The following SGCD variants were observed in gnomAD, a reference collection of about 807,000 sequenced individuals.
SGCD encodes delta-sarcoglycan.
A neutral mutation model predicts 36.6 loss-of-function variants in SGCD; 18 were observed. The observed-to-expected ratio is 0.49, with a 90% CI of 0.34 to 0.73. The LOEUF is 0.73. Among genes scored for constraint, SGCD ranks in the 30% least tolerant of loss-of-function variants. The pLI is 0.01. For missense variants in SGCD, 387 were observed against 346.7 expected (o/e 1.12, Z -0.92); for synonymous variants, 133 against 130.6 (o/e 1.02, Z -0.12).
intron 4 of SGCD, among the ~76,000 whole-genome samples, chr5:156,557,238 A>T (rs758037713): frequency 1.8e-4 from 28 of 152,140 alleles, no homozygotes; most frequent in Admixed American, 1.2e-3. Context: ...GATGTTGAAG[A>T]CTCCATAGCA....
At chr5:155,729,449 CAG>C in the SGCD span, among the ~76,000 whole-genome samples, 2 of 152,216 alleles carry the variant, frequency 1.3e-5, no homozygotes, top group African/African-American at 4.8e-5. Flanking sequence ...GAGAAAGAGA[CAG>C]AGAGACATGG....
chr5:156,331,396 C>T (rs763139694), intron 2 of SGCD, among the ~76,000 whole-genome samples: 7 of 152,180 alleles, frequency 4.6e-5, no homozygotes, highest in Non-Finnish European at 1.0e-4. Context: ...GTATATAAAT[C>T]CTGTGAGATT....
chr5:156,107,472 C>G (rs1329806724), intron 1 of SGCD, among the ~76,000 whole-genome samples: 1 of 152,092 alleles, frequency 6.6e-6, no homozygotes. Flanking sequence ...TGTTCCAATT[C>G]AATAATTCTG....
At chr5:155,794,572 A>G in the SGCD span, among the ~76,000 whole-genome samples, 1 of 152,064 alleles carries the variant, frequency 6.6e-6, no homozygotes, top group African/African-American at 2.4e-5. Flanking sequence ...AAAATTGAAT[A>G]CAGCCGTAGA....
chr5:156,035,005 T>C (rs2127576704), intron 1 of SGCD, among the ~76,000 whole-genome samples: 1 of 152,334 alleles, frequency 6.6e-6, no homozygotes, highest in East Asian at 1.9e-4. Flanking sequence ...ATTTTTATAA[T>C]ACATAAATAC....
At position 156,329,517 on chromosome 5, in the gene SGCD, A is replaced by G. The variant is rs1402610393; in HGVS notation, c.-43-17A>G. The G allele has an allele frequency of 4.4e-6, 7 of 1,582,548 alleles. No homozygotes were observed. The highest frequency in any genetic ancestry group is 2.7e-5 in the African/African-American group (2 of 74,232). On this transcript the variant is annotated splice_polypyrimidine_tract_variant and intron_variant, in intron 1 of 8. Transcript: ENST00000337851. ...GCTCTTCAGACCTTATTTTTAACCC[A>G]TATTTGTTCCTTGCAGAGACATTAC...
Position 156,007,279 on chromosome 5 carries a change from C to T in SGCD, c.-281-110599C>T, listed in dbSNP as rs180860492. 1.1e-4 allele frequency among the ~76,000 whole-genome samples: 16 copies of T among 152,274 alleles called. No homozygotes were observed. In the East Asian group the frequency reaches 1.4e-3, roughly 13 times the overall value. ...ATGTATTGAGGATAACTCCATTCCC[C>T]TGCTTTCTTCTGATGGCCCAGTAAA... On this transcript the variant is annotated intron_variant, in intron 1 of 9. Transcript: ENST00000517913.
rs115791238 is a variant in SGCD at position 155,996,290 on chromosome 5, C to G, written c.-281-121588C>G. ...CTTCTCCCTCCTCCCATCCTTCACC[C>G]TCACCCAGGCCCCAGTGTCTGCTGT... is the stretch of plus-strand genomic sequence containing the variant. On this transcript the variant is annotated intron_variant, in intron 1 of 9. Transcript: ENST00000517913. Among the ~76,000 whole-genome samples, 508 of 152,174 alleles carry G rather than the reference C, an allele frequency of 3.3e-3. 4 individuals are homozygous for G. Among genetic ancestry groups the G allele is most frequent in the African/African-American group, 0.011 (458 of 41,492 alleles).
At chr5:156,623,429 AAG>A (rs1467029514) in intron 6 of SGCD, among the ~76,000 whole-genome samples, 1 of 152,228 alleles carries the variant, frequency 6.6e-6, no homozygotes, top group Non-Finnish European at 1.5e-5. Context: ...ATTTCAGAAA[AAG>A]AGTCGTGCAG....
intron 3 of SGCD, among the ~76,000 whole-genome samples, chr5:156,175,615 A>G (rs1309673971): frequency 6.6e-6 from 1 of 152,234 alleles, no homozygotes; most frequent in African/African-American, 2.4e-5. Flanking sequence ...AGTGGAAAAT[A>G]AAATACAATA....
chr5:156,665,318 G>A (rs1464229044), intron 7 of SGCD, among the ~76,000 whole-genome samples: 1 of 152,132 alleles, frequency 6.6e-6, no homozygotes, highest in East Asian at 1.9e-4. Flanking sequence ...ATCACCTCCT[G>A]TAATTGATTA....
At chr5:156,283,758 C>T (rs1766520161) in intron 3 of SGCD, among the ~76,000 whole-genome samples, 1 of 152,122 alleles carries the variant, frequency 6.6e-6, no homozygotes, top group Non-Finnish European at 1.5e-5. Context: ...TGGGGTTATG[C>T]CCAAGAATTT....
intron 3 of SGCD, among the ~76,000 whole-genome samples, chr5:156,268,641 G>A (rs148244263): frequency 2.1e-3 from 318 of 152,140 alleles, no homozygotes; most frequent in African/African-American, 7.2e-3. Flanking sequence ...TGCCGAGGCT[G>A]GAGTGCAATG....
chr5:156,508,439 C>A lies in SGCD; in HGVS notation c.193-162C>A, dbSNP rs192474642. 5.9e-5 allele frequency among the ~76,000 whole-genome samples: 9 copies of A among 151,880 alleles called. No homozygotes were observed. In the East Asian group the frequency reaches 1.7e-3, roughly 29 times the overall value. ...AGATAATATGCATAACTGCATTAAA[C>A]AATACCTCCTAATATTTTACATGTT... is the stretch of plus-strand genomic sequence containing the variant. On this transcript the variant is annotated intron_variant, in intron 3 of 8. Coordinates refer to ENST00000337851, the MANE Select transcript of SGCD (RefSeq NM_000337.6).
intron 2 of SGCD, among the ~76,000 whole-genome samples, chr5:156,342,457 G>C (rs72813895): frequency 0.011 from 1,612 of 152,278 alleles, 15 homozygotes; most frequent in South Asian, 0.035. Flanking sequence ...AAAGGAAATT[G>C]CACACGTGAT....
chr5:155,937,884 A>G (rs1203095147), intron 1 of SGCD, among the ~76,000 whole-genome samples: 1 of 152,198 alleles, frequency 6.6e-6, no homozygotes. Flanking sequence ...CTGAGAATAT[A>G]CAAAACAGAT....
intron 3 of SGCD, among the ~76,000 whole-genome samples, chr5:156,299,357 T>C (rs1399821598): frequency 6.6e-6 from 1 of 152,184 alleles, no homozygotes; most frequent in African/African-American, 2.4e-5. Context: ...GTAGTATAAT[T>C]TGAAGTCAGG....
Position 156,702,610 on chromosome 5 carries a change from C to T in SGCD, c.576-54971C>T, listed in dbSNP as rs538462392. 1.7e-4 allele frequency among the ~76,000 whole-genome samples: 26 copies of T among 152,154 alleles called. No homozygotes were observed. The South Asian group carries it at 5.2e-3, about 30-fold the overall frequency. ...ATCAGGAAGCTGCCAAGTCAAATGG[C>T]TTTATACAGCTTCTTTTTCTTATGT... is the stretch of plus-strand genomic sequence containing the variant. On this transcript the variant is annotated intron_variant, in intron 7 of 8. Transcript: ENST00000337851.
At chr5:156,312,904 T>A (rs1767424247) in intron 3 of SGCD, among the ~76,000 whole-genome samples, 1 of 152,168 alleles carries the variant, frequency 6.6e-6, no homozygotes, top group South Asian at 2.1e-4. Flanking sequence ...TTACAGACAC[T>A]GGATAGATGA....
Sources: allele counts gnomAD v4.1 joint callset (sites outside exome capture counted in the v4.1 genomes callset), GRCh38; gene constraint gnomAD v4.1.1; transcripts MANE v1.5; gene names NCBI Gene and HGNC (gene_info 2026-07-23, HGNC 2026-07-21).